TAFA1: variants seen among roughly 807,000 people sequenced by gnomAD.
TAFA1 encodes chemokine-like protein TAFA-1.
Under a neutral mutation model 18.5 loss-of-function variants are expected in TAFA1, and 4 were observed. The ratio of observed to expected loss-of-function variants is 0.22; its 90% CI spans 0.11 to 0.49. The LOEUF (loss-of-function observed/expected upper bound fraction) is 0.49, where lower values mean the gene tolerates loss of function less well. Among genes scored for constraint, TAFA1 ranks in the 20% least tolerant of loss-of-function variants. The pLI is 0.98. For synonymous variants in TAFA1, 56 were observed against 55.2 expected (o/e 1.01, Z -0.06); for missense variants, 147 against 169.0 (o/e 0.87, Z 0.72).
intron 2 of TAFA1, 29 bp from the exon 3 acceptor site, chr3:68,417,251 C>G (rs1019480000): frequency 3.1e-6 from 5 of 1,607,466 alleles, no homozygotes; most frequent in Non-Finnish European, 3.4e-6. Context: ...TATTTCTAAT[C>G]AGTGTCCCTG....
rs879769839 is a variant in TAFA1 at position 68,093,013 on chromosome 3, C to A, written c.118+86269C>A. ...GCTCAGTTTCTTTTGGATACATAAT[C>A]AGTCAGATTAATAAATGAAATTCAC... On this transcript the variant is annotated intron_variant, in intron 2 of 4. Transcript: ENST00000478136. Among the ~76,000 whole-genome samples, 3 of 152,146 alleles carry A rather than the reference C, an allele frequency of 2.0e-5. No homozygotes were observed. In the East Asian group the frequency reaches 5.8e-4, roughly 29 times the overall value.
chr3:68,325,092 C>G (rs1483179532), intron 2 of TAFA1, among the ~76,000 whole-genome samples: 1 of 152,170 alleles, frequency 6.6e-6, no homozygotes, highest in South Asian at 2.1e-4. Flanking sequence ...CTGTCTCTCT[C>G]TCTTCAATTT....
intron 3 of TAFA1, among the ~76,000 whole-genome samples, chr3:68,467,280 T>C (rs1351602921): frequency 6.6e-6 from 1 of 152,068 alleles, no homozygotes; most frequent in East Asian, 1.9e-4. Flanking sequence ...AAGAAGATGA[T>C]AGGATTAAGA....
At chr3:68,224,263 A>T (rs979531470) in intron 2 of TAFA1, among the ~76,000 whole-genome samples, 7 of 152,154 alleles carry the variant, frequency 4.6e-5, no homozygotes, top group African/African-American at 1.7e-4. Context: ...ATGCCCTTCA[A>T]GTGGGTGTCT....
At position 68,370,472 on chromosome 3, in the gene TAFA1, G is replaced by GTATA. The variant is rs749877780; in HGVS notation, c.119-46767_119-46764dup. ...TATATATATGTGTGTGTGTGTGTGT[G>GTATA]TATATATATATATATATATATATAT... On this transcript the variant is annotated intron_variant, in intron 2 of 4. Coordinates refer to ENST00000478136, the MANE Select transcript of TAFA1 (RefSeq NM_213609.4). 7.7e-3 allele frequency among the ~76,000 whole-genome samples: 254 copies of GTATA among 32,932 alleles called. 1 individual carries two copies. Among genetic ancestry groups the GTATA allele is most frequent in the Non-Finnish European group, 0.01 (201 of 19,468 alleles). The allele number at this position is 32,932 out of a possible 152,430, so 21.6% of individuals were successfully genotyped here.
the TAFA1 span, among the ~76,000 whole-genome samples, chr3:67,994,874 C>T: frequency 6.6e-6 from 1 of 152,086 alleles, no homozygotes; most frequent in African/African-American, 2.4e-5. Context: ...AATGGGGCTA[C>T]CGTGAACTAT....
chr3:68,124,896 A>G (rs1410463433), intron 2 of TAFA1, among the ~76,000 whole-genome samples: 2 of 152,212 alleles, frequency 1.3e-5, no homozygotes, highest in African/African-American at 4.8e-5. Context: ...GAGGGTAAAA[A>G]TAAGGGGAGG....
chr3:68,378,659 A>G (rs537626223), intron 2 of TAFA1, among the ~76,000 whole-genome samples: 1 of 152,092 alleles, frequency 6.6e-6, no homozygotes, highest in Non-Finnish European at 1.5e-5. Context: ...GCAGGATGGT[A>G]TGGTTTGGCT....
chr3:68,458,875 C>G lies in TAFA1; in HGVS notation c.259+41455C>G, dbSNP rs183010015. On this transcript the variant is annotated intron_variant, in intron 3 of 4. Coordinates refer to ENST00000478136, the MANE Select transcript of TAFA1 (RefSeq NM_213609.4). ...CAGTTATACTTAGTAATATCTGGGG[C>G]AGGTTCCCTGGGAAACAGACTCTAA... is the stretch of plus-strand genomic sequence containing the variant. 2.0e-5 allele frequency among the ~76,000 whole-genome samples: 3 copies of G among 151,854 alleles called. No homozygotes were observed. In the East Asian group the frequency reaches 5.8e-4, roughly 29 times the overall value.
chr3:68,219,962 A>G (rs2066709694), intron 2 of TAFA1, among the ~76,000 whole-genome samples: 1 of 152,192 alleles, frequency 6.6e-6, no homozygotes. Flanking sequence ...CAATAAAAAC[A>G]ATTGCTAGAC....
chr3:68,039,771 TG>T (rs1329981952), intron 2 of TAFA1, among the ~76,000 whole-genome samples: 1 of 152,186 alleles, frequency 6.6e-6, no homozygotes, highest in African/African-American at 2.4e-5. Flanking sequence ...CAATATGTGT[TG>T]CTTCCATAAG....
intron 2 of TAFA1, chr3:68,145,213 A>G: frequency 1.3e-6 from 1 of 798,356 alleles, no homozygotes; most frequent in Non-Finnish European, 2.3e-6. Flanking sequence ...CAAATTCTGA[A>G]CTTGGGGGAA....
intron 2 of TAFA1, among the ~76,000 whole-genome samples, chr3:68,368,715 C>T (rs1026614871): frequency 1.3e-5 from 2 of 152,166 alleles, no homozygotes; most frequent in Non-Finnish European, 2.9e-5. Flanking sequence ...GGAAGGGGAA[C>T]CCAAAATAAA....
chr3:68,357,102 T>A (rs1272266691), intron 2 of TAFA1, among the ~76,000 whole-genome samples: 2 of 151,968 alleles, frequency 1.3e-5, no homozygotes, highest in Non-Finnish European at 2.9e-5. Context: ...CACTGTAAAC[T>A]CTTTTAGACA....
At chr3:68,531,462 G>A (rs921555928) in intron 3 of TAFA1, among the ~76,000 whole-genome samples, 1 of 152,186 alleles carries the variant, frequency 6.6e-6, no homozygotes, top group African/African-American at 2.4e-5. Context: ...CTTACTTCTG[G>A]GTGGTTGTGT....
intron 2 of TAFA1, among the ~76,000 whole-genome samples, chr3:68,337,575 C>T (rs2106745116): frequency 6.6e-6 from 1 of 152,326 alleles, no homozygotes; most frequent in East Asian, 1.9e-4. Context: ...CATGTATATA[C>T]TCATGTTATC....
chr3:68,122,493 G>T (rs1412521632), intron 2 of TAFA1, among the ~76,000 whole-genome samples: 1 of 152,094 alleles, frequency 6.6e-6, no homozygotes, highest in Non-Finnish European at 1.5e-5. Context: ...AAGATTATAT[G>T]GATCTAGATG....
At chr3:68,091,331 T>A (rs1217546506) in intron 2 of TAFA1, among the ~76,000 whole-genome samples, 1 of 152,166 alleles carries the variant, frequency 6.6e-6, no homozygotes, top group Non-Finnish European at 1.5e-5. Context: ...AAAGTTAGTA[T>A]GTTTATTGTT....
intron 3 of TAFA1, among the ~76,000 whole-genome samples, chr3:68,521,203 A>G (rs968759232): frequency 6.6e-6 from 1 of 152,238 alleles, no homozygotes; most frequent in Admixed American, 6.5e-5. Flanking sequence ...TTGTCTTTTC[A>G]GCAGGAAATC....
Sources: gnomAD v4.1 joint callset for allele counts (sites outside exome capture counted in the v4.1 genomes callset) on GRCh38, gnomAD v4.1.1 for gene constraint, MANE v1.5 for transcripts, NCBI Gene and HGNC (gene_info 2026-07-23, HGNC 2026-07-21) for gene names.